Variants in AARS1 observed in about 807,000 individuals in gnomAD.
AARS1 encodes the protein alanyl-tRNA synthetase 1.
A neutral mutation model predicts 108.9 loss-of-function variants in AARS1; 72 were observed. The ratio of observed to expected loss-of-function variants is 0.66; its 90% confidence interval spans 0.55 to 0.80. The LOEUF (loss-of-function observed/expected upper bound fraction) is 0.80, where lower values mean the gene tolerates loss of function less well. AARS1 is among the 30% of genes least tolerant of loss of function. The probability of loss-of-function intolerance (pLI) is 0.00; values close to 1 mark genes in which losing one functional copy is unlikely to be tolerated. For missense variants in AARS1, 1,193 were observed against 1,233.2 expected (o/e 0.97, Z 0.49); for synonymous variants, 489 against 465.7 (o/e 1.05, Z -0.64).
intron 16 of AARS1, among the ~76,000 whole-genome samples, chr16:70,255,344 C>T (rs890421179): frequency 2.6e-5 from 4 of 151,836 alleles, no homozygotes; most frequent in East Asian, 1.9e-4. Flanking sequence ...GGATTACAGA[C>T]GCGCGCCACT....
intron 7 of AARS1, 59 bp from the exon 8 acceptor site, chr16:70,268,438 C>A (rs550541403): frequency 3.6e-5 from 52 of 1,448,326 alleles, no homozygotes; most frequent in Non-Finnish European, 5.0e-5. Context: ...TCTTGAGTCC[C>A]TTGGAATCCT....
Position 70,252,375 on chromosome 16 carries a change from T to C in AARS1, c.*346A>G. 1 of 395,520 alleles carries C rather than the reference T, an allele frequency of 2.5e-6. No homozygotes were observed. The highest frequency in any genetic ancestry group is 2.5e-5 in the South Asian group (1 of 40,082). 24.5% of individuals were successfully genotyped at this position (395,520 alleles called of 1,614,324 possible). On this transcript the variant is annotated 3_prime_UTR_variant, in exon 21 of 21. Transcript: ENST00000261772. ...CCCCTATTGGGAAGAGGGATAGAGA[T>C]CATGCGGCATTAAGTATTGCACGTG...
At chr16:70,278,435 C>T (rs894198685) in intron 2 of AARS1, among the ~76,000 whole-genome samples, 1 of 151,608 alleles carries the variant, frequency 6.6e-6, no homozygotes, top group Admixed American at 6.6e-5. Context: ...CATGGTGGTG[C>T]ACGCCTGTAA....
intron 1 of AARS1, among the ~76,000 whole-genome samples, chr16:70,286,796 G>A (rs1360431802): frequency 1.3e-5 from 2 of 151,384 alleles, no homozygotes; most frequent in South Asian, 4.2e-4. Flanking sequence ...AATGAGCCAA[G>A]ATCAACTGCA....
intron 2 of AARS1, among the ~76,000 whole-genome samples, chr16:70,282,402 T>C (rs1054522564): frequency 4.8e-4 from 73 of 151,870 alleles, no homozygotes; most frequent in African/African-American, 1.8e-3. Flanking sequence ...TGCTAAACAT[T>C]TTGTATGTGT....
chr16:70,255,717 G>C lies in AARS1; in HGVS notation c.2286+11C>G. On this transcript the variant is annotated intron_variant, in intron 16 of 20. Coordinates refer to ENST00000261772, the MANE Select transcript of AARS1 (RefSeq NM_001605.3). ...CTTCAGATAAGCCACAAACCAGCCT[G>C]ACCTGCTCACCTTCTGGGCCTCGGC... The C allele has an allele frequency of 6.2e-7, 1 of 1,613,142 alleles. No individual in the cohort carries two copies. Among genetic ancestry groups the C allele is most frequent in the Non-Finnish European group, 8.5e-7 (1 of 1,179,170 alleles).
chr16:70,268,180 C>A, intron 8 of AARS1, 91 bp downstream of exon 8: 1 of 1,252,586 alleles, frequency 8.0e-7, no homozygotes, highest in East Asian at 2.4e-5. Context: ...AAAACAGCAA[C>A]AAAAAGCTGC....
intron 19 of AARS1, 81 bp downstream of exon 19, chr16:70,253,633 C>A: frequency 6.7e-7 from 1 of 1,499,662 alleles, no homozygotes; most frequent in African/African-American, 1.4e-5. Context: ...GCAACCACTT[C>A]GCTCAGAGCC....
At chr16:70,277,826 C>T (rs1479770658) in intron 2 of AARS1, among the ~76,000 whole-genome samples, 1 of 149,664 alleles carries the variant, frequency 6.7e-6, no homozygotes, top group African/African-American at 2.5e-5. Flanking sequence ...AATCTCAGGT[C>T]ACTGCAACCT....
At position 70,253,368 on chromosome 16, in the gene AARS1, G is replaced by A. The variant is rs1450260273; in HGVS notation, c.2621C>T (p.Ala874Val). ...SGASAKALNE[A>V]LKLFKMHSPQ... ...GGAGTGCATCTTGAAGAGCTTCAAG[G>A]CTTCATTCAGGGCCTGTGGGGAGGA... is the stretch of plus-strand genomic sequence containing the variant. Residue 874 changes from alanine (A) to valine (V), a missense_variant, in exon 20 of 21, where the codon GCC (alanine) becomes GTC (valine). By Grantham distance (64) the Ala-to-Val change is moderately conservative. Transcript: ENST00000261772. 1.9e-6 allele frequency: 3 copies of A among 1,613,500 alleles called. No homozygotes were observed. The highest frequency in any genetic ancestry group is 2.5e-6 in the Non-Finnish European group (3 of 1,179,556).
chr16:70,268,199 A>G, intron 8 of AARS1, 72 bp downstream of exon 8: 1 of 1,379,836 alleles, frequency 7.2e-7, no homozygotes, highest in Admixed American at 1.7e-5. Context: ...GCTTAACAGT[A>G]TGCCCTCTCC....
Position 70,254,616 on chromosome 16 carries a change from C to A in AARS1, c.2400+5G>T. On this transcript the variant is annotated splice_donor_5th_base_variant and intron_variant, in intron 17 of 20. Transcript: ENST00000261772. ...TGAGGACGGAGGGAGGGAAGCCGCC[C>A]CTACCTCTCCAAGGTCAGCGATCTC... 6.2e-7 allele frequency: 1 copy of A among 1,607,904 alleles called. No homozygotes were observed. The highest frequency in any genetic ancestry group is 8.5e-7 in the Non-Finnish European group (1 of 1,174,380).
At chr16:70,284,109 G>A (rs1960779904) in intron 1 of AARS1, among the ~76,000 whole-genome samples, 1 of 152,068 alleles carries the variant, frequency 6.6e-6, no homozygotes, top group Non-Finnish European at 1.5e-5. Context: ...AGAACATCCT[G>A]GCTAACATGG....
Position 70,262,528 on chromosome 16 carries a change from C to T in AARS1, c.1493-4G>A. ...GTAGCCACTGTGTTCTCAAATACTG[C>T]TCAAGGGAAATGCATAGAAAGGGGA... On this transcript the variant is annotated splice_polypyrimidine_tract_variant and splice_region_variant and intron_variant, in intron 11 of 20. Transcript: ENST00000261772. 6.2e-7 allele frequency: 1 copy of T among 1,606,918 alleles called. No individual in the cohort carries two copies. Among genetic ancestry groups the T allele is most frequent in the Non-Finnish European group, 8.5e-7 (1 of 1,174,140 alleles).
intron 7 of AARS1, 70 bp downstream of exon 7, chr16:70,269,548 G>GT: frequency 6.2e-7 from 1 of 1,600,044 alleles, no homozygotes; most frequent in Non-Finnish European, 8.5e-7. Context: ...ACAAAGAAAA[G>GT]TTTCATAAAG....
intron 1 of AARS1, among the ~76,000 whole-genome samples, chr16:70,285,424 T>G (rs747903405): frequency 3.3e-5 from 5 of 151,872 alleles, no homozygotes; most frequent in Non-Finnish European, 7.4e-5. Flanking sequence ...GGACTACAGT[T>G]GCACACCAGC....
intron 2 of AARS1, among the ~76,000 whole-genome samples, chr16:70,282,291 T>G (rs1960716347): frequency 7.4e-6 from 1 of 135,192 alleles, no homozygotes; most frequent in Non-Finnish European, 1.5e-5. Flanking sequence ...ATTGCACCAC[T>G]GCACTCCAGC....
intron 2 of AARS1, among the ~76,000 whole-genome samples, chr16:70,279,875 A>G (rs753272843): frequency 1.3e-5 from 2 of 151,900 alleles, no homozygotes; most frequent in Non-Finnish European, 2.9e-5. Flanking sequence ...GGACTCACAC[A>G]TAACTGAAAA....
intron 8 of AARS1, 69 bp from the exon 9 acceptor site, chr16:70,267,878 A>G: frequency 2.5e-6 from 4 of 1,607,428 alleles, no homozygotes; most frequent in Non-Finnish European, 3.4e-6. Flanking sequence ...GTCTTAAAAA[A>G]GCTCCTTAGC....
Sources: allele counts gnomAD v4.1 joint callset (sites outside exome capture counted in the v4.1 genomes callset), GRCh38; gene constraint gnomAD v4.1.1; transcripts MANE v1.5; gene names NCBI Gene and HGNC (gene_info 2026-07-23, HGNC 2026-07-21).